PLCB2: variants seen among roughly 807,000 people sequenced by gnomAD.
PLCB2 encodes 1-phosphatidylinositol 4,5-bisphosphate phosphodiesterase beta-2.
PLCB2 carries 115 observed loss-of-function variants against 141.7 expected under a neutral mutation model. The observed-to-expected ratio is 0.81, with a 90% CI of 0.70 to 0.95. PLCB2 has a LOEUF of 0.95. Ranked by LOEUF, PLCB2 falls within the 40% of genes least tolerant of loss-of-function variation. The probability of loss-of-function intolerance (pLI) is 0.00; values close to 1 mark genes in which losing one functional copy is unlikely to be tolerated. For missense variants in PLCB2, 1,403 were observed against 1,541.1 expected (o/e 0.91, Z 1.50); for synonymous variants, 603 against 595.6 (o/e 1.01, Z -0.18).
At position 40,299,156 on chromosome 15, in the gene PLCB2, G is replaced by A; in HGVS notation, c.655C>T (p.Pro219Ser). 1 of 1,612,848 alleles carries A rather than the reference G, an allele frequency of 6.2e-7. No individual in the cohort carries two copies. The highest frequency in any genetic ancestry group is 1.1e-5 in the South Asian group (1 of 91,052). ...GAAGTGAAGATCTCATCTATTTCTG[G>A]CCGAGGACAGAGGCTCATGAGGAAA... is the stretch of plus-strand genomic sequence containing the variant. ...KSFLMSLCPR[P>S]EIDEIFTSYH... The change falls in exon 8 of 32, where the codon CCA becomes TCA. Residue 219 changes from proline to serine, a missense_variant. Transcript: ENST00000260402.
chr15:40,295,153 G>A, intron 17 of PLCB2, 48 bp downstream of exon 17: 1 of 1,608,628 alleles, frequency 6.2e-7, no homozygotes, highest in Non-Finnish European at 8.5e-7. Flanking sequence ...CCCTCCTCTG[G>A]CTCCCCACCC....
At chr15:40,294,145 C>G in intron 19 of PLCB2, 121 bp downstream of exon 19, 1 of 987,640 alleles carries the variant, frequency 1.0e-6, no homozygotes, top group Non-Finnish European at 1.5e-6. Flanking sequence ...CAGGAACTGG[C>G]TGGGGCTGAA....
Position 40,302,001 on chromosome 15 carries a change from G to T in PLCB2, c.538C>A (p.Arg180=). Reference sequence around the variant, plus strand: ...CAGGCACTGAGAGCAGCTTCCACCCGCTTGCGGTCAGCAGGAAACATCTGG... The same window carrying T: ...CAGGCACTGAGAGCAGCTTCCACCCTCTTGCGGTCAGCAGGAAACATCTGG... ...FFQMFPADRK[R]VEAALSACHL... Residue 180 remains arginine (R), a synonymous_variant, in exon 7 of 32, where the codon CGG becomes AGG. Coordinates refer to ENST00000260402, the MANE Select transcript of PLCB2 (RefSeq NM_004573.3). 6.2e-7 allele frequency: 1 copy of T among 1,614,136 alleles called. No homozygotes were observed. The highest frequency in any genetic ancestry group is 8.5e-7 in the Non-Finnish European group (1 of 1,180,012).
chr15:40,299,165 A>G lies in PLCB2; in HGVS notation c.646T>C (p.Cys216Arg). 5 of 1,614,018 alleles carry G rather than the reference A, an allele frequency of 3.1e-6. No individual in the cohort carries two copies. Among genetic ancestry groups the G allele is most frequent in the Non-Finnish European group, 4.2e-6 (5 of 1,179,848 alleles). Residue 216 changes from cysteine to arginine, a missense_variant, in exon 8 of 32, where the codon TGT becomes CGT. Transcript: ENST00000260402. ...ATCTCATCTATTTCTGGCCGAGGAC[A>G]GAGGCTCATGAGGAAACTCTTGTAG... is the stretch of plus-strand genomic sequence containing the variant. ...PVYKSFLMSL[C>R]PRPEIDEIFT...
chr15:40,286,761 C>T (rs1314376498), downstream of PLCB2, among the ~76,000 whole-genome samples: 1 of 152,230 alleles, frequency 6.6e-6, no homozygotes, highest in Non-Finnish European at 1.5e-5. Context: ...GCCTAAGGGA[C>T]ACCTTGCCTT....
At chr15:40,294,479 C>A (rs1032057440) in intron 18 of PLCB2, 59 bp from the exon 19 acceptor site, 12 of 1,566,282 alleles carry the variant, frequency 7.7e-6, no homozygotes, top group African/African-American at 1.3e-5. Flanking sequence ...GCCCAGTCTC[C>A]ATTTCCTCCA....
chr15:40,302,405 TG>T, intron 4 of PLCB2, 56 bp from the exon 5 acceptor site: 1 of 1,612,030 alleles, frequency 6.2e-7, no homozygotes, highest in Non-Finnish European at 8.5e-7. Context: ...CCCAGGCCTG[TG>T]TCTCTCAGGA....
chr15:40,297,489 G>T lies in PLCB2; in HGVS notation c.1323+32C>A, dbSNP rs772101121. The T allele has an allele frequency of 1.9e-6, 3 of 1,554,844 alleles. No homozygotes were observed. Among genetic ancestry groups the T allele is most frequent in the Non-Finnish European group, 2.7e-6 (3 of 1,125,746 alleles). ...CCCTGCCCCAGGTTCCCAGGCCCAA[G>T]GCTCAAATGTCCCACAGCGAAGCCC... On this transcript the variant is annotated intron_variant, in intron 13 of 31. Coordinates refer to ENST00000260402, the MANE Select transcript of PLCB2 (RefSeq NM_004573.3). This position sits in a 1 kb window ranked among gnomAD's most constrained non-coding sequence, Gnocchi z 4.2.
At position 40,288,866 on chromosome 15, in the gene PLCB2, G is replaced by C. The variant is rs768457198; in HGVS notation, c.3407C>G (p.Ala1136Gly). The C allele has an allele frequency of 1.1e-5, 17 of 1,614,002 alleles. No homozygotes were observed. Among genetic ancestry groups the C allele is most frequent in the Non-Finnish European group, 1.4e-5 (16 of 1,180,006 alleles). ...GGCCCTCACCGACTCCTTCACCTCT[G>C]CCTCCAGACCCTTCATCCTGGCCTC... ...EYEARMKGLE[A>G]EVKESVRACL... is the part of the protein sequence containing the mutation. The change falls in exon 32 of 32, where the codon GCA (alanine) becomes GGA (glycine). Residue 1136 changes from alanine (A) to glycine (G), a missense_variant. Around this residue, in one of 4 missense-constraint regions of PLCB2, gnomAD observed 132 missense variants for 132.4 expected, o/e 1.00. Transcript: ENST00000260402.
In PLCB2 at chr15:40,292,956, G is replaced by C. The variant is rs771452038; in HGVS notation, c.2296C>G (p.Arg766Gly). 1.8e-5 allele frequency: 29 copies of C among 1,606,670 alleles called. No individual in the cohort carries two copies. In the South Asian group the frequency reaches 3.2e-4, roughly 18 times the overall value. ...TTTAGGGCATTGATGGGGATGATGC[G>C]GTGTCCAAGAAACTTGTTGCCTTCC... ...MEEGNKFLGH[R>G]IIPINALNSG... The change falls in exon 21 of 32, where the codon CGC becomes GGC. Residue 766 changes from arginine to glycine, a missense_variant. By Grantham distance (125) the Arg-to-Gly change is moderately radical. Around this residue, in one of 4 missense-constraint regions of PLCB2, gnomAD observed 975 missense variants for 1,141.1 expected, o/e 0.85. Coordinates refer to ENST00000260402, the MANE Select transcript of PLCB2 (RefSeq NM_004573.3).
rs1297033107 is a variant in PLCB2, at chr15:40,291,357, C to T, written c.2778G>A (p.Arg926=). 17 of 1,525,642 alleles carry T rather than the reference C, an allele frequency of 1.1e-5. No individual in the cohort carries two copies. The Admixed American group carries it at 3.2e-4, about 29-fold the overall frequency. 94.5% of individuals were successfully genotyped at this position (1,525,642 alleles called of 1,614,324 possible). ...CGAGCTCCGCCAGCTGCGCCGCGCC[C>T]CGCTGCAGCAGCTCCTCCCAGCGCC... The part of the protein sequence containing the change: ...GARRWEELLQ[R]GAAQLAELGP... Residue 926 remains arginine (R), a synonymous_variant, in exon 26 of 32, where the codon CGG becomes CGA. Coordinates refer to ENST00000260402, the MANE Select transcript of PLCB2 (RefSeq NM_004573.3).
In PLCB2 at chr15:40,297,875, A is replaced by T; in HGVS notation, c.1238+2T>A. The T allele has an allele frequency of 6.2e-7, 1 of 1,611,706 alleles. No homozygotes were observed. Among genetic ancestry groups the T allele is most frequent in the Non-Finnish European group, 8.5e-7 (1 of 1,177,898 alleles). On this transcript the variant is annotated splice_donor_variant, in intron 12 of 31. Transcript: ENST00000260402. LOFTEE classifies it high-confidence loss of function. This position sits in a 1 kb window ranked among gnomAD's most constrained non-coding sequence, Gnocchi z 4.2. ...TGTGGCTGAATGGGCCTGGATACGC[A>T]CGAGTCCACATGGTTCTCAAACGAC...
chr15:40,303,429 C>G (rs2040628539), intron 2 of PLCB2, 73 bp from the exon 3 acceptor site: 4 of 1,047,412 alleles, frequency 3.8e-6, no homozygotes, highest in Middle Eastern at 2.0e-4. Context: ...CAAGAATGAG[C>G]AATAGGGAGA....
At chr15:40,285,548 C>G, downstream of PLCB2, 2 of 985,398 alleles carry the variant, frequency 2.0e-6, no homozygotes, top group Non-Finnish European at 2.4e-6. Context: ...CAAAGCTGCT[C>G]CCGCCCCAGA....
intron 1 of PLCB2, 101 bp from the exon 2 acceptor site, chr15:40,304,179 C>A (rs1595684557): frequency 1.3e-6 from 1 of 754,080 alleles, no homozygotes. Context: ...CAGGAGGTGC[C>A]CATCCCAGAA....
chr15:40,301,724 CAGGGT>C (rs1467690502), intron 7 of PLCB2: 1 of 706,478 alleles, frequency 1.4e-6, no homozygotes, highest in East Asian at 2.7e-5. Flanking sequence ...CCCCACCACC[CAGGGT>C]AGGGGATACA....
chr15:40,296,346 A>G lies in PLCB2; in HGVS notation c.1646T>C (p.Leu549Pro). 1 of 1,613,798 alleles carries G rather than the reference A, an allele frequency of 6.2e-7. No individual in the cohort carries two copies. Among genetic ancestry groups the G allele is most frequent in the African/African-American group, 1.3e-5 (1 of 75,022 alleles). ...EVTAYEEMSS[L>P]VNYIQPTKFV... ...CTTGGTGGGCTGGATGTAATTGACTAGGCTGGACATCTCCTCATAAGCCGT... is the reference window on the plus strand; with the variant it reads ...CTTGGTGGGCTGGATGTAATTGACTGGGCTGGACATCTCCTCATAAGCCGT... The change falls in exon 16 of 32, where the codon CTA becomes CCA. Residue 549 changes from leucine to proline, a missense_variant. Around this residue, in one of 4 missense-constraint regions of PLCB2, gnomAD observed 975 missense variants for 1,141.1 expected, o/e 0.85. Coordinates refer to ENST00000260402, the MANE Select transcript of PLCB2 (RefSeq NM_004573.3).
chr15:40,294,639 C>A (rs1332159175), intron 18 of PLCB2, among the ~76,000 whole-genome samples: 1 of 152,222 alleles, frequency 6.6e-6, no homozygotes, highest in South Asian at 2.1e-4. Context: ...CACAGCCAGG[C>A]TGAGGGACTG....
In PLCB2 at chr15:40,303,368, G is replaced by T; in HGVS notation, c.163-12C>A. 1 of 1,607,028 alleles carries T rather than the reference G, an allele frequency of 6.2e-7. No homozygotes were observed. The highest frequency in any genetic ancestry group is 8.5e-7 in the Non-Finnish European group (1 of 1,173,510). On this transcript the variant is annotated splice_polypyrimidine_tract_variant and intron_variant, in intron 2 of 31. Transcript: ENST00000260402. Reference sequence around the variant, plus strand: ...AGAAACTCCATCTCCTGGGGGCAGGGTGCGGATCCCGGTGGGAGCAAAGAA... The same window carrying T: ...AGAAACTCCATCTCCTGGGGGCAGGTTGCGGATCCCGGTGGGAGCAAAGAA...
Sources: allele counts gnomAD v4.1 joint callset (sites outside exome capture counted in the v4.1 genomes callset), GRCh38; gene constraint gnomAD v4.1.1; regional missense constraint gnomAD v4.1.1; non-coding constraint Gnocchi (gnomAD v3.1); transcripts MANE v1.5; gene names NCBI Gene and HGNC (gene_info 2026-07-23, HGNC 2026-07-21).